Variants in DACH2 observed in about 807,000 individuals in gnomAD.
DACH2 encodes the protein dachshund homolog 2.
DACH2 carries 17 observed loss-of-function variants against 35.8 expected under a neutral mutation model. The observed-to-expected ratio is 0.48, with a 90% CI of 0.33 to 0.71. The LOEUF (loss-of-function observed/expected upper bound fraction) is 0.71. Ranked by LOEUF, DACH2 falls within the 30% of genes least tolerant of loss-of-function variation. The probability of loss-of-function intolerance (pLI) is 0.02; values close to 1 mark genes in which losing one functional copy is unlikely to be tolerated. For missense variants in DACH2, 469 were observed against 472.7 expected, an observed-to-expected ratio of 0.99 and a Z score of 0.07; for synonymous variants, 195 against 177.3, an observed-to-expected ratio of 1.10 and a Z score of -0.79.
intron 4 of DACH2, among the ~76,000 whole-genome samples, chrX:86,667,439 AAAG>A (rs1323455947): frequency 4.4e-4 from 35 of 80,092 alleles, no homozygotes; most frequent in African/African-American, 1.6e-3. Context: ...GAAAAGAAAG[AAAG>A]AAGAAAGAGA....
At chrX:86,605,443 G>T (rs2039844504) in intron 3 of DACH2, among the ~76,000 whole-genome samples, 1 of 109,988 alleles carries the variant, frequency 9.1e-6, no homozygotes, top group African/African-American at 3.3e-5. Context: ...CTTCTATAAA[G>T]ATGTCACCCA....
At chrX:86,745,214 G>C (rs761266741) in intron 7 of DACH2, among the ~76,000 whole-genome samples, 185 of 110,882 alleles carry the variant, frequency 1.7e-3, no homozygotes, top group African/African-American at 5.6e-3. Context: ...AACATCCTTT[G>C]GTCACAATAG....
intron 1 of DACH2, among the ~76,000 whole-genome samples, chrX:86,283,831 C>A (rs1252509821): frequency 9.3e-6 from 1 of 107,554 alleles, no homozygotes; most frequent in Admixed American, 1.0e-4. Context: ...ATGTAACAAA[C>A]CTGCATGTTC....
chrX:86,328,454 C>T (rs1056654030), intron 1 of DACH2, among the ~76,000 whole-genome samples: 2 of 111,650 alleles, frequency 1.8e-5, no homozygotes, highest in Admixed American at 9.6e-5. Flanking sequence ...AGTAACAATT[C>T]TAAGAAACCT....
At chrX:86,808,390 A>C in intron 7 of DACH2, among the ~76,000 whole-genome samples, 1 of 111,594 alleles carries the variant, frequency 9.0e-6, no homozygotes, top group Non-Finnish European at 1.9e-5. Context: ...TTCCTTTGCT[A>C]CTAGCTTTCT....
chrX:86,756,300 G>T (rs1405936501), intron 7 of DACH2, among the ~76,000 whole-genome samples: 1 of 111,079 alleles, frequency 9.0e-6, no homozygotes, highest in Non-Finnish European at 1.9e-5. Flanking sequence ...AATAGAGATT[G>T]CATTGAATCT....
At chrX:86,455,584 C>A (rs936901312) in intron 2 of DACH2, among the ~76,000 whole-genome samples, 1 of 112,584 alleles carries the variant, frequency 8.9e-6, no homozygotes, top group Non-Finnish European at 1.9e-5. Flanking sequence ...AGCAGCTGCG[C>A]TGCATTGTGT....
At chrX:86,811,814 A>G (rs1218843188) in intron 7 of DACH2, among the ~76,000 whole-genome samples, 1 of 112,247 alleles carries the variant, frequency 8.9e-6, no homozygotes. Flanking sequence ...CCAAGTATTC[A>G]GGGTTCTCAA....
At chrX:86,355,669 C>G (rs981041825) in intron 1 of DACH2, among the ~76,000 whole-genome samples, 3 of 111,595 alleles carry the variant, frequency 2.7e-5, no homozygotes, top group Non-Finnish European at 3.8e-5. Context: ...GCTGGGACTA[C>G]AGGTGCGGGC....
intron 3 of DACH2, among the ~76,000 whole-genome samples, chrX:86,640,506 A>ATC (rs1448295577): frequency 9.0e-6 from 1 of 111,246 alleles, no homozygotes; most frequent in Non-Finnish European, 1.9e-5. Flanking sequence ...TTACACCTGC[A>ATC]TCTCTCTCTG....
At chrX:86,296,196 G>A (rs1051674700) in intron 1 of DACH2, among the ~76,000 whole-genome samples, 2 of 105,024 alleles carry the variant, frequency 1.9e-5, no homozygotes, top group African/African-American at 7.0e-5. Flanking sequence ...TGGCTAACAC[G>A]GTGAAACCCC....
At chrX:86,760,826 A>G in intron 7 of DACH2, among the ~76,000 whole-genome samples, 1 of 107,745 alleles carries the variant, frequency 9.3e-6, no homozygotes, top group East Asian at 2.9e-4. Context: ...ATAGCTGCAC[A>G]TTTGGTGTGA....
intron 1 of DACH2, among the ~76,000 whole-genome samples, chrX:86,193,723 GGTGA>G (rs916815898): frequency 4.5e-5 from 5 of 110,383 alleles, no homozygotes; most frequent in Admixed American, 2.9e-4. Flanking sequence ...AAAACAAAAA[GGTGA>G]GTATCTTAAA....
At chrX:86,368,321 G>T (rs2035835119) in intron 1 of DACH2, among the ~76,000 whole-genome samples, 2 of 111,223 alleles carry the variant, frequency 1.8e-5, no homozygotes, top group African/African-American at 6.5e-5. Flanking sequence ...TATTCCTGAT[G>T]TAAGATACTA....
intron 3 of DACH2, among the ~76,000 whole-genome samples, chrX:86,616,847 G>C (rs1197066645): frequency 8.9e-6 from 1 of 111,844 alleles, no homozygotes; most frequent in Admixed American, 9.5e-5. Flanking sequence ...CTATTTCTAT[G>C]TCCACAATGG....
intron 1 of DACH2, among the ~76,000 whole-genome samples, chrX:86,201,917 T>A (rs1032742553): frequency 9.0e-6 from 1 of 111,410 alleles, no homozygotes; most frequent in African/African-American, 3.3e-5. Flanking sequence ...GCAAGTCACT[T>A]ATCCTTTCTC....
chrX:86,236,965 A>G (rs2033068339), intron 1 of DACH2, among the ~76,000 whole-genome samples: 1 of 112,963 alleles, frequency 8.9e-6, no homozygotes, highest in Non-Finnish European at 1.9e-5. Context: ...TTGTAATAAC[A>G]CAGCTTAATA....
At chrX:86,556,795 TAGAGAGAG>T (rs1194704943) in intron 3 of DACH2, among the ~76,000 whole-genome samples, 23 of 25,289 alleles carry the variant, frequency 9.1e-4, no homozygotes, top group African/African-American at 2.5e-3. Context: ...TATATATATA[TAGAGAGAG>T]AGAGAGAGAG....
At chrX:86,635,000 C>A (rs1019289768) in intron 3 of DACH2, among the ~76,000 whole-genome samples, 8 of 111,339 alleles carry the variant, frequency 7.2e-5, no homozygotes, top group Non-Finnish European at 9.4e-5. Context: ...GGAGGGACTC[C>A]TCCCTAACTT....
Sources: gnomAD v4.1 joint callset for allele counts (sites outside exome capture counted in the v4.1 genomes callset) on GRCh38, gnomAD v4.1.1 for gene constraint, MANE v1.5 for transcripts, NCBI Gene and HGNC (gene_info 2026-07-23, HGNC 2026-07-21) for gene names.